Variants in PBX3 observed in about 807,000 individuals in gnomAD.
PBX3 encodes the protein pre-B-cell leukemia transcription factor 3.
PBX3 carries 14 observed loss-of-function variants against 48.5 expected under a neutral mutation model. The observed-to-expected ratio is 0.29, with a 90% CI of 0.19 to 0.45. PBX3 has a LOEUF of 0.45. Among genes scored for constraint, PBX3 ranks in the 20% least tolerant of loss-of-function variants. PBX3 has a pLI of 1.00. For synonymous variants in PBX3, 210 were observed against 200.3 expected, an observed-to-expected ratio of 1.05 and a Z score of -0.41; for missense variants, 386 against 546.7, an observed-to-expected ratio of 0.71 and a Z score of 2.93.
chr9:125,823,404 A>G (rs1838713473), intron 2 of PBX3, among the ~76,000 whole-genome samples: 1 of 152,222 alleles, frequency 6.6e-6, no homozygotes, highest in Non-Finnish European at 1.5e-5. Context: ...TCATTGAAGT[A>G]TTACCATAGC....
intron 2 of PBX3, among the ~76,000 whole-genome samples, chr9:125,829,648 G>A (rs1318360719): frequency 6.6e-6 from 1 of 151,994 alleles, no homozygotes; most frequent in African/African-American, 2.4e-5. Context: ...AAACTATTAG[G>A]CTTGTTATGT....
intron 2 of PBX3, among the ~76,000 whole-genome samples, chr9:125,888,248 C>G (rs138405556): frequency 6.6e-6 from 1 of 152,190 alleles, no homozygotes; most frequent in East Asian, 1.9e-4. Flanking sequence ...TAAAGTAAAC[C>G]TTTTGATCGG....
At chr9:125,845,370 A>G (rs1285886632) in intron 2 of PBX3, among the ~76,000 whole-genome samples, 1 of 152,092 alleles carries the variant, frequency 6.6e-6, no homozygotes, top group African/African-American at 2.4e-5. Flanking sequence ...ATTACGCTAA[A>G]ACAAAAAATA....
chr9:125,764,760 C>T lies in PBX3; in HGVS notation c.274+16137C>T, dbSNP rs562416413. 5.4e-3 allele frequency among the ~76,000 whole-genome samples: 815 copies of T among 152,154 alleles called. 2 individuals carry two copies. Among genetic ancestry groups the T allele is most frequent in the Middle Eastern group, 0.014 (4 of 294 alleles). The stretch of plus-strand genomic sequence containing the variant: ...TGCCTTTGCTGATTGCAAAGGTTTG[C>T]TTTTCAGGGACAGTTATAGTAGATT... On this transcript the variant is annotated intron_variant, in intron 2 of 8. Coordinates refer to ENST00000373489, the MANE Select transcript of PBX3 (RefSeq NM_006195.6).
intron 5 of PBX3, among the ~76,000 whole-genome samples, chr9:125,957,246 C>CGG (rs1842329582): frequency 2.6e-5 from 4 of 152,184 alleles, no homozygotes; most frequent in Admixed American, 1.3e-4. Context: ...TCATTGCTTC[C>CGG]AATTAAACCT....
At chr9:125,751,217 T>G (rs1055319590) in intron 2 of PBX3, among the ~76,000 whole-genome samples, 1 of 152,222 alleles carries the variant, frequency 6.6e-6, no homozygotes, top group African/African-American at 2.4e-5. Context: ...TGTTGATGAC[T>G]CTATTCTGCT....
chr9:125,816,699 G>A (rs1838474416), intron 2 of PBX3, among the ~76,000 whole-genome samples: 1 of 152,116 alleles, frequency 6.6e-6, no homozygotes, highest in African/African-American at 2.4e-5. Flanking sequence ...TTTGACTGGG[G>A]AAAGGGTTGT....
intron 3 of PBX3, among the ~76,000 whole-genome samples, chr9:125,921,991 G>T (rs1326229441): frequency 6.6e-6 from 1 of 152,032 alleles, no homozygotes; most frequent in Non-Finnish European, 1.5e-5. Context: ...ATCAGTGCTT[G>T]CCCACTGTCT....
At chr9:125,859,428 A>G (rs1839806335) in intron 2 of PBX3, among the ~76,000 whole-genome samples, 1 of 152,132 alleles carries the variant, frequency 6.6e-6, no homozygotes, top group Admixed American at 6.5e-5. Flanking sequence ...GGGACTGCAA[A>G]CTTGAGGAAG....
intron 3 of PBX3, among the ~76,000 whole-genome samples, chr9:125,919,437 C>G (rs1213775080): frequency 1.4e-5 from 2 of 146,744 alleles, no homozygotes; most frequent in Admixed American, 1.4e-4. Context: ...TCTTGAACTC[C>G]TGACCTCATG....
At chr9:125,880,093 G>A (rs1437609827) in intron 2 of PBX3, among the ~76,000 whole-genome samples, 1 of 152,176 alleles carries the variant, frequency 6.6e-6, no homozygotes, top group African/African-American at 2.4e-5. Context: ...TGCCCAGGCG[G>A]GAGTACAGTG....
At chr9:125,792,380 G>C (rs1319446654) in intron 2 of PBX3, among the ~76,000 whole-genome samples, 1 of 152,124 alleles carries the variant, frequency 6.6e-6, no homozygotes, top group Non-Finnish European at 1.5e-5. Context: ...GGAGGTGAAG[G>C]AAAATGAGAA....
intron 2 of PBX3, among the ~76,000 whole-genome samples, chr9:125,858,366 C>T (rs1012922323): frequency 2.6e-5 from 4 of 152,154 alleles, no homozygotes; most frequent in Non-Finnish European, 5.9e-5. Flanking sequence ...GCTTATTTCC[C>T]ATTTATTGTA....
intron 5 of PBX3, among the ~76,000 whole-genome samples, chr9:125,948,718 G>GTA (rs1389224058): frequency 4.0e-5 from 6 of 150,498 alleles, no homozygotes; most frequent in Admixed American, 2.0e-4. Flanking sequence ...GTGTGTGTGT[G>GTA]TGTATATATA....
chr9:125,798,547 G>GT (rs538833192), intron 2 of PBX3, among the ~76,000 whole-genome samples: 1 of 151,980 alleles, frequency 6.6e-6, no homozygotes, highest in Non-Finnish European at 1.5e-5. Context: ...GTTTACATTT[G>GT]TTTTTCAACA....
At chr9:125,872,256 A>G (rs1378950562) in intron 2 of PBX3, among the ~76,000 whole-genome samples, 1 of 152,234 alleles carries the variant, frequency 6.6e-6, no homozygotes, top group Non-Finnish European at 1.5e-5. Context: ...ACCACAGCAC[A>G]TGTTAAAGGA....
At chr9:125,858,116 C>A (rs961756623) in intron 2 of PBX3, among the ~76,000 whole-genome samples, 1 of 152,156 alleles carries the variant, frequency 6.6e-6, no homozygotes, top group Non-Finnish European at 1.5e-5. Context: ...ATAATCCCAG[C>A]ACTTTGGGAG....
Position 125,775,263 on chromosome 9 carries a change from C to T in PBX3, c.274+26640C>T, listed in dbSNP as rs137907443. Among the ~76,000 whole-genome samples, 1,177 of 152,248 alleles carry T rather than the reference C, an allele frequency of 7.7e-3. 3 individuals carry two copies. The highest frequency in any genetic ancestry group is 0.027 in the Middle Eastern group (8 of 294). ...GATATCTCACTGTGGTTTTACTTTT[C>T]TTTTCTCTAAAGAATGAATAACGAT... On this transcript the variant is annotated intron_variant, in intron 2 of 8. Coordinates refer to ENST00000373489, the MANE Select transcript of PBX3 (RefSeq NM_006195.6).
chr9:125,821,304 G>C (rs1196096171), intron 2 of PBX3, among the ~76,000 whole-genome samples: 7 of 152,152 alleles, frequency 4.6e-5, no homozygotes, highest in African/African-American at 1.7e-4. Flanking sequence ...ACAGATACTA[G>C]AGACTTCATT....
Sources: allele counts gnomAD v4.1 joint callset (sites outside exome capture counted in the v4.1 genomes callset), GRCh38; gene constraint gnomAD v4.1.1; transcripts MANE v1.5; gene names NCBI Gene and HGNC (gene_info 2026-07-23, HGNC 2026-07-21).